SLC25A16: variants seen among roughly 807,000 people sequenced by gnomAD.
The protein encoded by SLC25A16 is solute carrier family 25 member 16.
SLC25A16 carries 39 observed loss-of-function variants against 41.5 expected under a neutral mutation model. The ratio of observed to expected loss-of-function variants is 0.94; its 90% CI spans 0.73 to 1.23. The LOEUF is 1.23. Among genes scored for constraint, SLC25A16 ranks in the 50% most tolerant of loss-of-function variants. The probability of loss-of-function intolerance (pLI) is 0.00; values close to 1 mark genes in which losing one functional copy is unlikely to be tolerated. For synonymous variants in SLC25A16, 146 were observed against 147.8 expected, an observed-to-expected ratio of 0.99 and a Z score of 0.09; for missense variants, 421 against 426.9, an observed-to-expected ratio of 0.99 and a Z score of 0.12.
intron 2 of SLC25A16, among the ~76,000 whole-genome samples, chr10:68,507,159 G>C (rs1026992194): frequency 7.3e-6 from 1 of 137,332 alleles, no homozygotes; most frequent in Non-Finnish European, 1.5e-5. Flanking sequence ...TGCAACCTCC[G>C]CCTCCCAGGT....
chr10:68,480,572 C>G lies in SLC25A16; in HGVS notation c.*2860G>C, dbSNP rs1175151600. On this transcript the variant is annotated 3_prime_UTR_variant, in exon 9 of 9. Coordinates refer to ENST00000609923, the MANE Select transcript of SLC25A16 (RefSeq NM_152707.4). The stretch of plus-strand genomic sequence containing the variant: ...AATGCAGTGGCACGATCTCGGCTCA[C>G]TGCAAGCTCCGCCTCCCAGGTTCAA... 7.0e-6 allele frequency: 1 copy of G among 142,572 alleles called. No homozygotes were observed. The highest frequency in any genetic ancestry group is 1.5e-5 in the Non-Finnish European group (1 of 66,714). 8.8% of individuals were successfully genotyped at this position (142,572 alleles called of 1,614,324 possible).
intron 8 of SLC25A16, among the ~76,000 whole-genome samples, chr10:68,486,240 A>AAAAAAAAAAAAAC (rs1564908736): frequency 1.4e-5 from 2 of 146,840 alleles, no homozygotes; most frequent in Admixed American, 6.7e-5. Context: ...ACAAAAAAAA[A>AAAAAAAAAAAAAC]AAAAAAACAC....
intron 4 of SLC25A16, chr10:68,496,634 A>C (rs1457701312): frequency 3.1e-6 from 3 of 982,490 alleles, no homozygotes; most frequent in South Asian, 9.4e-5. Flanking sequence ...AAATCTAAAC[A>C]AAGTCAGACT....
chr10:68,524,286 G>A (rs1489617127), intron 1 of SLC25A16, among the ~76,000 whole-genome samples: 7 of 120,618 alleles, frequency 5.8e-5, no homozygotes, highest in Non-Finnish European at 9.7e-5. Context: ...CTGCACTCCA[G>A]CCTGGGCAAC....
Position 68,487,180 on chromosome 10 carries a change from T to C in SLC25A16, c.806A>G (p.Gln269Arg), listed in dbSNP as rs1335341514. ...AAATTCCGGCAGAACAGTTCCTAAT[T>C]GCATTCGCCGACGAGTCACATCAAA... ...YPFDVTRRRMQLGTVLPEFEK... is the reference protein window; with the variant it reads ...YPFDVTRRRMRLGTVLPEFEK... The change falls in exon 8 of 9, where the codon CAA becomes CGA. Residue 269 changes from glutamine (Q) to arginine (R), a missense_variant. Physicochemically the swap from Gln to Arg is conservative, Grantham distance 43 (BLOSUM62 1). Coordinates refer to ENST00000609923, the MANE Select transcript of SLC25A16 (RefSeq NM_152707.4). The C allele has an allele frequency of 1.2e-6, 2 of 1,613,626 alleles. No individual in the cohort carries two copies. Among genetic ancestry groups the C allele is most frequent in the Admixed American group, 1.7e-5 (1 of 59,968 alleles).
chr10:68,512,637 TC>T (rs1300086588), intron 2 of SLC25A16, among the ~76,000 whole-genome samples: 40 of 27,816 alleles, frequency 1.4e-3, no homozygotes, highest in Non-Finnish European at 2.1e-3. Context: ...AGACTCCGTC[TC>T]AAAAAAAAAA....
At chr10:68,494,443 AGAGT>A (rs1287368630) in intron 4 of SLC25A16, among the ~76,000 whole-genome samples, 1 of 128,046 alleles carries the variant, frequency 7.8e-6, no homozygotes, top group Non-Finnish European at 1.7e-5. Flanking sequence ...GCCTGGCAAC[AGAGT>A]GAGATTCCAG....
At chr10:68,517,039 A>T in intron 1 of SLC25A16, 196 bp from the exon 2 acceptor site, 3 of 1,227,826 alleles carry the variant, frequency 2.4e-6, no homozygotes, top group Non-Finnish European at 3.1e-6. Flanking sequence ...ACACTGCTAA[A>T]ACTTACTAAA....
intron 2 of SLC25A16, among the ~76,000 whole-genome samples, chr10:68,512,214 C>G (rs1225603241): frequency 1.3e-5 from 2 of 151,622 alleles, no homozygotes. Context: ...ACAGCTTGAG[C>G]CCAAAAGTTT....
At chr10:68,485,422 T>C (rs2052542980) in intron 8 of SLC25A16, among the ~76,000 whole-genome samples, 1 of 148,636 alleles carries the variant, frequency 6.7e-6, no homozygotes, top group Admixed American at 6.7e-5. Flanking sequence ...TCTCGCTCTG[T>C]CGCCCAGGCT....
chr10:68,498,261 C>G (rs1046716275), intron 4 of SLC25A16, among the ~76,000 whole-genome samples: 2 of 151,632 alleles, frequency 1.3e-5, no homozygotes, highest in Non-Finnish European at 2.9e-5. Flanking sequence ...ACGTAGGAAG[C>G]TTGTTGCTTT....
intron 8 of SLC25A16, among the ~76,000 whole-genome samples, chr10:68,484,368 T>C (rs1320608301): frequency 6.6e-6 from 1 of 152,052 alleles, no homozygotes; most frequent in Non-Finnish European, 1.5e-5. Flanking sequence ...AACCAATAAT[T>C]TGGGCTTGGG....
Position 68,480,724 on chromosome 10 carries a change from C to T in SLC25A16, c.*2708G>A, listed in dbSNP as rs994273897. ...TGTTAGCCACAATGGTCTCGATTTC[C>T]TGACCTCGTGATCCCCCCGCCTCAG... On this transcript the variant is annotated 3_prime_UTR_variant, in exon 9 of 9. Coordinates refer to ENST00000609923, the MANE Select transcript of SLC25A16 (RefSeq NM_152707.4). The T allele has an allele frequency of 6.6e-6, 1 of 151,896 alleles. No homozygotes were observed. Among genetic ancestry groups the T allele is most frequent in the African/African-American group, 2.4e-5 (1 of 41,362 alleles). The allele number at this position is 151,896 out of a possible 1,614,324, so 9.4% of individuals were successfully genotyped here.
At chr10:68,490,661 A>C (rs2052641261) in intron 6 of SLC25A16, among the ~76,000 whole-genome samples, 1 of 151,702 alleles carries the variant, frequency 6.6e-6, no homozygotes. Flanking sequence ...ACTATTTATA[A>C]AATGGTGCCA....
intron 2 of SLC25A16, among the ~76,000 whole-genome samples, chr10:68,515,496 G>A (rs967382933): frequency 6.6e-6 from 1 of 150,754 alleles, no homozygotes; most frequent in Non-Finnish European, 1.5e-5. Context: ...ATCTCTTATT[G>A]CATTTAAAAA....
intron 1 of SLC25A16, among the ~76,000 whole-genome samples, chr10:68,524,480 G>A (rs1271725302): frequency 6.6e-6 from 1 of 151,754 alleles, no homozygotes; most frequent in African/African-American, 2.4e-5. Context: ...GGCAAAGGTT[G>A]CAGTGAGCTG....
At chr10:68,523,855 T>C (rs1450632054) in intron 1 of SLC25A16, among the ~76,000 whole-genome samples, 2 of 151,992 alleles carry the variant, frequency 1.3e-5, no homozygotes, top group African/African-American at 4.8e-5. Context: ...TCCCAGCACT[T>C]TGGGAGGCAG....
At chr10:68,501,550 A>G (rs1590107500) in intron 4 of SLC25A16, among the ~76,000 whole-genome samples, 2 of 143,198 alleles carry the variant, frequency 1.4e-5, no homozygotes, top group Admixed American at 7.0e-5. Context: ...AGGAGAGGAG[A>G]GAATGAGGGG....
chr10:68,491,941 G>A (rs2052665919), intron 6 of SLC25A16, among the ~76,000 whole-genome samples: 1 of 152,026 alleles, frequency 6.6e-6, no homozygotes, highest in Admixed American at 6.6e-5. Flanking sequence ...TGATTCTCCT[G>A]CCTCAACCTC....
Sources: allele counts gnomAD v4.1 joint callset (sites outside exome capture counted in the v4.1 genomes callset), GRCh38; gene constraint gnomAD v4.1.1; transcripts MANE v1.5; gene names NCBI Gene and HGNC (gene_info 2026-07-23, HGNC 2026-07-21).